The following NBAS variants were observed in gnomAD, a reference collection of about 807,000 sequenced individuals.
NBAS encodes the protein NBAS subunit of NRZ tethering complex, also known as NAG/BC035112 fusion.
NBAS carries 219 observed loss-of-function variants against 302.5 expected under a neutral mutation model. The observed-to-expected ratio is 0.72, with a 90% CI of 0.65 to 0.81. The LOEUF (loss-of-function observed/expected upper bound fraction) is 0.81. Among genes scored for constraint, NBAS ranks in the 30% least tolerant of loss-of-function variants. The pLI is 0.00. For synonymous variants in NBAS, 1,118 were observed against 1,021.6 expected, an observed-to-expected ratio of 1.09 and a Z score of -1.80; for missense variants, 2,932 against 2,841.6, an observed-to-expected ratio of 1.03 and a Z score of -0.72.
At chr2:15,472,601 C>T (rs1254281968) in intron 16 of NBAS, among the ~76,000 whole-genome samples, 1 of 152,134 alleles carries the variant, frequency 6.6e-6, no homozygotes, top group African/African-American at 2.4e-5. Context: ...AGCAGGCGTC[C>T]AGCTTTCCTA....
intron 44 of NBAS, among the ~76,000 whole-genome samples, chr2:15,265,250 G>A (rs1256182192): frequency 1.3e-5 from 2 of 152,066 alleles, no homozygotes; most frequent in Non-Finnish European, 2.9e-5. Flanking sequence ...AATCTCATGC[G>A]ATCAACATCA....
intron 47 of NBAS, among the ~76,000 whole-genome samples, chr2:15,232,102 A>G (rs929581360): frequency 2.0e-5 from 3 of 152,112 alleles, no homozygotes; most frequent in African/African-American, 7.2e-5. Flanking sequence ...CAATACAGTT[A>G]ATGTGTTGGA....
chr2:15,017,518 C>CAAA, the NBAS span, among the ~76,000 whole-genome samples: 72 of 150,004 alleles, frequency 4.8e-4, no homozygotes, highest in African/African-American at 1.3e-3. Context: ...AGGTGTTGCT[C>CAAA]AAAAAAAAAG....
the NBAS span, among the ~76,000 whole-genome samples, chr2:14,971,239 G>A: frequency 1.1e-4 from 17 of 152,034 alleles, no homozygotes; most frequent in African/African-American, 2.9e-4. Flanking sequence ...ACTGCCAGCC[G>A]GACACAGTGG....
the NBAS span, among the ~76,000 whole-genome samples, chr2:14,939,097 G>A: frequency 6.6e-6 from 1 of 152,210 alleles, no homozygotes; most frequent in African/African-American, 2.4e-5. Flanking sequence ...ACAATAAACT[G>A]AAGGTAGAAG....
the NBAS span, among the ~76,000 whole-genome samples, chr2:15,036,044 G>C: frequency 0.055 from 8,363 of 152,232 alleles, 391 homozygotes; most frequent in East Asian, 0.21. Flanking sequence ...TAAGTGAAAA[G>C]TATGAAATTG....
intron 47 of NBAS, among the ~76,000 whole-genome samples, chr2:15,229,499 G>A (rs1220841366): frequency 2.7e-5 from 4 of 150,886 alleles, no homozygotes; most frequent in Non-Finnish European, 5.9e-5. Flanking sequence ...GAGGACATGT[G>A]GGCCTGGCGC....
chr2:14,896,645 T>G, the NBAS span, among the ~76,000 whole-genome samples: 1 of 152,128 alleles, frequency 6.6e-6, no homozygotes, highest in African/African-American at 2.4e-5. Flanking sequence ...GAGCACTGAC[T>G]GTACATCAGT....
At chr2:15,172,085 G>A (rs967026489) in intron 51 of NBAS, among the ~76,000 whole-genome samples, 6 of 152,200 alleles carry the variant, frequency 3.9e-5, no homozygotes, top group African/African-American at 1.4e-4. Flanking sequence ...ACATAATGAT[G>A]TCAACTGTGC....
chr2:14,847,139 T>C, the NBAS span, among the ~76,000 whole-genome samples: 1 of 152,060 alleles, frequency 6.6e-6, no homozygotes, highest in African/African-American at 2.4e-5. Flanking sequence ...ATCCCAGCAC[T>C]TTCAGAGGCC....
At chr2:15,275,450 T>G (rs745833550) in intron 44 of NBAS, 34 bp downstream of exon 44, 1 of 1,593,174 alleles carries the variant, frequency 6.3e-7, no homozygotes, top group South Asian at 1.1e-5. Flanking sequence ...TCTTCTACTG[T>G]GCTCAAACCA....
chr2:15,505,911 A>G (rs1404067325), intron 10 of NBAS, among the ~76,000 whole-genome samples: 1 of 152,162 alleles, frequency 6.6e-6, no homozygotes, highest in Non-Finnish European at 1.5e-5. Context: ...AGAGTGAAAA[A>G]GGGTTAATAA....
rs960530640 is a variant in NBAS, at chr2:15,319,938, C to CA, written c.4582+7811dup. On this transcript the variant is annotated intron_variant, in intron 38 of 51. Transcript: ENST00000281513. ...ATACCAAAGCCTGGCAGAGACACAA[C>CA]AAAAAAAAAAGAGAATTTTAGACCA... Among the ~76,000 whole-genome samples, 862 of 145,854 alleles carry CA rather than the reference C, an allele frequency of 5.9e-3. 4 individuals are homozygous for CA. Among genetic ancestry groups the CA allele is most frequent in the South Asian group, 0.015 (68 of 4,578 alleles).
the NBAS span, among the ~76,000 whole-genome samples, chr2:15,032,915 C>T: frequency 1.3e-5 from 2 of 152,366 alleles, no homozygotes; most frequent in East Asian, 1.9e-4. Flanking sequence ...GTTCAGAGAT[C>T]ATCATGGCTA....
At chr2:14,808,158 T>A in the NBAS span, among the ~76,000 whole-genome samples, 1 of 152,224 alleles carries the variant, frequency 6.6e-6, no homozygotes, top group Admixed American at 6.5e-5. Flanking sequence ...CAACCACATA[T>A]GGAATAGGAA....
At chr2:15,294,595 G>A (rs578234153) in intron 40 of NBAS, among the ~76,000 whole-genome samples, 4 of 152,276 alleles carry the variant, frequency 2.6e-5, no homozygotes, top group African/African-American at 9.6e-5. Context: ...CCCTGACCCA[G>A]GGATGCTGCT....
chr2:15,200,608 C>T (rs991054106), intron 48 of NBAS, among the ~76,000 whole-genome samples: 3 of 152,114 alleles, frequency 2.0e-5, no homozygotes, highest in Admixed American at 2.0e-4. Context: ...ACAAAACATC[C>T]TAGGATTATA....
At chr2:14,933,234 C>T in the NBAS span, among the ~76,000 whole-genome samples, 2 of 152,308 alleles carry the variant, frequency 1.3e-5, no homozygotes, top group Admixed American at 6.5e-5. Context: ...TTTTCATTCA[C>T]CTTTCTTTTC....
intron 45 of NBAS, among the ~76,000 whole-genome samples, chr2:15,236,326 T>C (rs1287221165): frequency 6.6e-6 from 1 of 151,424 alleles, no homozygotes; most frequent in Non-Finnish European, 1.5e-5. Context: ...GGTGGGCGAG[T>C]AGCTTGAGCC....
Sources: allele counts gnomAD v4.1 joint callset (sites outside exome capture counted in the v4.1 genomes callset), GRCh38; gene constraint gnomAD v4.1.1; transcripts MANE v1.5; gene names NCBI Gene and HGNC (gene_info 2026-07-23, HGNC 2026-07-21).